Variants in DACH1 observed in about 807,000 individuals in gnomAD.
DACH1 encodes dachshund family transcription factor 1.
A neutral mutation model predicts 54.2 loss-of-function variants in DACH1; 12 were observed. The observed-to-expected ratio is 0.22, with a 90% CI of 0.14 to 0.36. The LOEUF (loss-of-function observed/expected upper bound fraction) is 0.36. Among genes scored for constraint, DACH1 ranks in the 10% least tolerant of loss-of-function variants. The pLI is 1.00. For synonymous variants in DACH1, 386 were observed against 366.2 expected, an observed-to-expected ratio of 1.05 and a Z score of -0.62; for missense variants, 805 against 929.8, an observed-to-expected ratio of 0.87 and a Z score of 1.75.
In DACH1 at chr13:71,866,384, G is replaced by T; in HGVS notation, c.386C>A (p.Ala129Asp). ...GGGISAGGGV[A>D]SSTPINASTG... Reference sequence around the variant, plus strand: ...GCTGGCGTTGATGGGGGTGCTGGAAGCGACGCCGCCGCCAGCGCTGATGCC... The same window carrying T: ...GCTGGCGTTGATGGGGGTGCTGGAATCGACGCCGCCGCCAGCGCTGATGCC... Residue 129 changes from alanine to aspartate, a missense_variant, in exon 1 of 11, where the codon GCT becomes GAT. By Grantham distance (126) the Ala-to-Asp change is moderately radical (BLOSUM62 -2). This residue lies in a region of DACH1 where 305 missense variants were observed against 308.7 expected (regional missense o/e 0.99). Coordinates refer to ENST00000613252, the MANE Select transcript of DACH1 (RefSeq NM_080759.6). 6.7e-7 allele frequency: 1 copy of T among 1,497,318 alleles called. No homozygotes were observed. The allele number at this position is 1,497,318 out of a possible 1,614,324, so 92.8% of individuals were successfully genotyped here. A position where few individuals can be genotyped will look rare whatever the true frequency, so the allele number is the denominator to read the frequency against.
chr13:71,656,886 C>A (rs1879125947), intron 2 of DACH1, among the ~76,000 whole-genome samples: 1 of 134,982 alleles, frequency 7.4e-6, no homozygotes. Context: ...AAACTCATCT[C>A]CTTTACCTTG....
At position 71,440,966 on chromosome 13, in the gene DACH1, A is replaced by ATG. The variant is rs1197658863; in HGVS notation, c.2084-276_2084-275dup. On this transcript the variant is annotated intron_variant, in intron 10 of 10. Coordinates refer to ENST00000613252, the MANE Select transcript of DACH1 (RefSeq NM_080759.6). ...GAGCACTCAGAAAATAGCTAAGAGT[A>ATG]TGTGTGTGTATTTTACTGATATGCA... Among the ~76,000 whole-genome samples, 4 of 152,122 alleles carry ATG rather than the reference A, an allele frequency of 2.6e-5. No homozygotes were observed. In the East Asian group the frequency reaches 7.7e-4, roughly 29 times the overall value.
chr13:71,825,402 T>C (rs932982273), intron 1 of DACH1, among the ~76,000 whole-genome samples: 8 of 152,104 alleles, frequency 5.3e-5, no homozygotes, highest in African/African-American at 1.9e-4. Context: ...TATTACCAAG[T>C]TCAATTTTAT....
intron 10 of DACH1, among the ~76,000 whole-genome samples, chr13:71,446,322 G>C (rs1052721070): frequency 6.6e-6 from 1 of 152,162 alleles, no homozygotes; most frequent in Non-Finnish European, 1.5e-5. Context: ...GCTGAGGCAA[G>C]TTTACCAATC....
intron 6 of DACH1, among the ~76,000 whole-genome samples, chr13:71,497,567 G>A (rs1234195618): frequency 1.3e-5 from 2 of 151,946 alleles, no homozygotes; most frequent in Non-Finnish European, 2.9e-5. Context: ...CCCCACCTTG[G>A]GTGATCCGCC....
chr13:71,458,391 T>C (rs1593724367), intron 10 of DACH1, among the ~76,000 whole-genome samples: 1 of 151,986 alleles, frequency 6.6e-6, no homozygotes, highest in Non-Finnish European at 1.5e-5. Flanking sequence ...ATCAGCCAGT[T>C]GGAATGTACT....
intron 1 of DACH1, among the ~76,000 whole-genome samples, chr13:71,863,891 G>GA (rs1297611279): frequency 4.1e-5 from 6 of 147,466 alleles, no homozygotes; most frequent in Non-Finnish European, 7.5e-5. Context: ...TTATTAAAGA[G>GA]AAAAAAAAAG....
chr13:71,650,239 C>CA (rs371387518), intron 2 of DACH1, among the ~76,000 whole-genome samples: 14 of 152,164 alleles, frequency 9.2e-5, no homozygotes, highest in African/African-American at 3.4e-4. Context: ...AAGAGCACAT[C>CA]AGCAATGTTT....
At chr13:71,550,982 T>C (rs1460881536) in intron 6 of DACH1, among the ~76,000 whole-genome samples, 2 of 152,096 alleles carry the variant, frequency 1.3e-5, no homozygotes, top group Non-Finnish European at 2.9e-5. Flanking sequence ...CCCTATAATA[T>C]GTGTTAACAT....
intron 1 of DACH1, among the ~76,000 whole-genome samples, chr13:71,699,028 G>T (rs1219533006): frequency 6.6e-6 from 1 of 152,058 alleles, no homozygotes; most frequent in Non-Finnish European, 1.5e-5. Flanking sequence ...TATTTTAGAA[G>T]TGCATGTAAA....
chr13:71,562,938 A>G (rs1192360813), intron 4 of DACH1, among the ~76,000 whole-genome samples: 1 of 152,126 alleles, frequency 6.6e-6, no homozygotes, highest in African/African-American at 2.4e-5. Flanking sequence ...GGATGCATTT[A>G]TAAGGCTATA....
chr13:71,508,182 G>A (rs542991971), intron 6 of DACH1, among the ~76,000 whole-genome samples: 2 of 152,202 alleles, frequency 1.3e-5, no homozygotes, highest in South Asian at 2.1e-4. Context: ...ATATTAGTAC[G>A]TTTACTTACT....
At chr13:71,757,915 C>A (rs921563396) in intron 1 of DACH1, among the ~76,000 whole-genome samples, 2 of 151,874 alleles carry the variant, frequency 1.3e-5, no homozygotes, top group Non-Finnish European at 2.9e-5. Flanking sequence ...CACTGAAGTG[C>A]CTTTAGGAAG....
intron 4 of DACH1, among the ~76,000 whole-genome samples, chr13:71,570,723 C>T (rs370301504): frequency 6.4e-4 from 97 of 152,246 alleles, no homozygotes; most frequent in Non-Finnish European, 8.1e-4. Context: ...ATATATCCCC[C>T]TCCTTTCCAT....
At chr13:71,466,592 T>G (rs1468036801) in intron 10 of DACH1, among the ~76,000 whole-genome samples, 1 of 152,122 alleles carries the variant, frequency 6.6e-6, no homozygotes, top group African/African-American at 2.4e-5. Context: ...CCTGTAATCA[T>G]ATCACTTTGG....
rs865986610 is a variant in DACH1 at position 71,496,304 on chromosome 13, T to C, written c.1571-7156A>G. On this transcript the variant is annotated intron_variant, in intron 6 of 10. Coordinates refer to ENST00000613252, the MANE Select transcript of DACH1 (RefSeq NM_080759.6). Reference sequence around the variant, plus strand: ...ATATATATATATATATATATATATATATACACACACAAAAAGATATGCAAC... The same window carrying C: ...ATATATATATATATATATATATATACATACACACACAAAAAGATATGCAAC... Among the ~76,000 whole-genome samples the C allele has an allele frequency of 6.7e-3, 709 of 105,664 alleles. 4 individuals carry two copies. The highest frequency in any genetic ancestry group is 0.014 in the African/African-American group (386 of 27,446). The allele number at this position is 105,664 out of a possible 152,430, so 69.3% of individuals were successfully genotyped here. A position where few individuals can be genotyped will look rare whatever the true frequency, so the allele number is the denominator to read the frequency against.
At chr13:71,693,296 C>CTTTTTTTTTTTTTTTTTTTTTTT (rs869289138) in intron 1 of DACH1, among the ~76,000 whole-genome samples, 2 of 90,962 alleles carry the variant, frequency 2.2e-5, no homozygotes, top group Non-Finnish European at 4.0e-5. Context: ...ATTTGTTTTG[C>CTTTTTTTTTTTTTTTTTTTTTTT]TTTTTTTTTT....
intron 3 of DACH1, among the ~76,000 whole-genome samples, chr13:71,578,892 G>A (rs1406233518): frequency 6.6e-6 from 1 of 152,036 alleles, no homozygotes; most frequent in African/African-American, 2.4e-5. Flanking sequence ...AACCAATTCT[G>A]CTTGGCTTAA....
At chr13:71,726,577 T>C (rs955422057) in intron 1 of DACH1, among the ~76,000 whole-genome samples, 188 of 152,176 alleles carry the variant, frequency 1.2e-3, no homozygotes, top group East Asian at 2.7e-3. Flanking sequence ...TTCAAGGTAC[T>C]AAAGTGAATT....
Sources: allele counts gnomAD v4.1 joint callset (sites outside exome capture counted in the v4.1 genomes callset), GRCh38; gene constraint gnomAD v4.1.1; regional missense constraint gnomAD v4.1.1; transcripts MANE v1.5; gene names NCBI Gene and HGNC (gene_info 2026-07-23, HGNC 2026-07-21).